Variants in FREM3 observed in about 807,000 individuals in gnomAD.
FREM3 encodes the protein FRAS1 related extracellular matrix 3, also known as FRAS1-related extracellular matrix protein 3.
In FREM3, 105 loss-of-function variants were observed where a neutral mutation model predicts 129.1. That is an observed-to-expected ratio of 0.81 (90% CI 0.69 to 0.96). The LOEUF is 0.96. Among genes scored for constraint, FREM3 ranks in the 40% least tolerant of loss-of-function variants. The pLI is 0.00. For synonymous variants in FREM3, 1,014 were observed against 1,044.9 expected (o/e 0.97, Z 0.57); for missense variants, 2,593 against 2,666.3 (o/e 0.97, Z 0.61).
chr4:143,593,343 GT>G (rs1738401693), intron 6 of FREM3, among the ~76,000 whole-genome samples: 1 of 152,168 alleles, frequency 6.6e-6, no homozygotes, highest in Non-Finnish European at 1.5e-5. Context: ...TTTCTGCTCT[GT>G]TTTTTCCCCA....
intron 2 of FREM3, among the ~76,000 whole-genome samples, chr4:143,646,336 A>C (rs182800732): frequency 2.0e-5 from 3 of 152,212 alleles, no homozygotes; most frequent in Non-Finnish European, 2.9e-5. Context: ...GTATTAGGAC[A>C]TGCTGTATTT....
In FREM3 at chr4:143,697,655, G is replaced by A. The variant is rs1283904005; in HGVS notation, c.3021C>T (p.Phe1007=). The A allele has an allele frequency of 6.5e-7, 1 of 1,537,748 alleles. No homozygotes were observed. Among genetic ancestry groups the A allele is most frequent in the African/African-American group, 1.4e-5 (1 of 73,050 alleles). ...ILVNGLPTER[F]TQEDLINGRV... ...TCCCATTGATGAGATCCTCTTGGGT[G>A]AATCGTTCTGTGGGCAAACCATTTA... Residue 1007 remains phenylalanine, a synonymous_variant, in exon 1 of 8, where the codon TTC becomes TTT. Coordinates refer to ENST00000329798, the MANE Select transcript of FREM3 (RefSeq NM_001168235.2).
Position 143,646,926 on chromosome 4 carries a change from G to A in FREM3, c.5276-19166C>T, listed in dbSNP as rs564816112. On this transcript the variant is annotated intron_variant, in intron 2 of 7. Transcript: ENST00000329798. ...TTAGAACTTCCTAGAGACTTGTAGG[G>A]CTCAGAAGAAGATAGGAAAATGTGG... 2.0e-5 allele frequency among the ~76,000 whole-genome samples: 3 copies of A among 152,280 alleles called. No individual in the cohort carries two copies. The South Asian group carries it at 6.2e-4, about 32-fold the overall frequency.
In FREM3 at chr4:143,700,236, G is replaced by T. The variant is rs961118545; in HGVS notation, c.440C>A (p.Ala147Asp). The T allele has an allele frequency of 1.3e-6, 2 of 1,536,774 alleles. No homozygotes were observed. Among genetic ancestry groups the T allele is most frequent in the African/African-American group, 2.7e-5 (2 of 73,066 alleles). Reference protein sequence around the residue: ...ARVLLQLRYDAPTHTLVLPFT... With the variant: ...ARVLLQLRYDDPTHTLVLPFT... ...GGGCAGCACCAGAGTGTGAGTCGGG[G>T]CGTCGTAGCGCAGCTGCAGCAGCAC... The change falls in exon 1 of 8, where the codon GCC becomes GAC. Residue 147 changes from alanine (A) to aspartate (D), a missense_variant. Around this residue, in one of 2 missense-constraint regions of FREM3, gnomAD observed 2,276 missense variants for 2,267.2 expected, o/e 1.00. Coordinates refer to ENST00000329798, the MANE Select transcript of FREM3 (RefSeq NM_001168235.2).
At chr4:143,647,475 G>A (rs1739439101) in intron 2 of FREM3, among the ~76,000 whole-genome samples, 1 of 152,174 alleles carries the variant, frequency 6.6e-6, no homozygotes, top group Admixed American at 6.5e-5. Flanking sequence ...CCCATCACAG[G>A]TCCAGAGGCC....
chr4:143,692,873 A>G (rs1006552660), intron 2 of FREM3, among the ~76,000 whole-genome samples: 1 of 152,214 alleles, frequency 6.6e-6, no homozygotes, highest in South Asian at 2.1e-4. Flanking sequence ...AATACTTCAC[A>G]TTTCACTCAT....
chr4:143,671,515 A>AT (rs960087030), intron 2 of FREM3, among the ~76,000 whole-genome samples: 2 of 152,020 alleles, frequency 1.3e-5, no homozygotes, highest in East Asian at 1.9e-4. Flanking sequence ...TATAAAAGCA[A>AT]TTTTTTTTCT....
In FREM3 at chr4:143,635,176, A is replaced by C. The variant is rs532588801; in HGVS notation, c.5276-7416T>G. Among the ~76,000 whole-genome samples the C allele has an allele frequency of 2.0e-5, 3 of 152,288 alleles. No individual in the cohort carries two copies. In the East Asian group the frequency reaches 5.8e-4, roughly 29 times the overall value. ...AGAACTAAACTTTGGGGACAGTTTC[A>C]TTTGGAAACCAGTGAAGAAAAAGAA... On this transcript the variant is annotated intron_variant, in intron 2 of 7. Coordinates refer to ENST00000329798, the MANE Select transcript of FREM3 (RefSeq NM_001168235.2).
At chr4:143,676,695 C>A (rs916334540) in intron 2 of FREM3, among the ~76,000 whole-genome samples, 1 of 152,158 alleles carries the variant, frequency 6.6e-6, no homozygotes, top group Non-Finnish European at 1.5e-5. Context: ...TCAGCAAAGT[C>A]TCAGGATACA....
At chr4:143,660,694 T>C (rs1427433597) in intron 2 of FREM3, among the ~76,000 whole-genome samples, 1 of 152,124 alleles carries the variant, frequency 6.6e-6, no homozygotes, top group Non-Finnish European at 1.5e-5. Flanking sequence ...ATTTTCACGA[T>C]ATTGATTCTT....
At chr4:143,617,144 G>A (rs1312380181) in intron 5 of FREM3, among the ~76,000 whole-genome samples, 3 of 149,726 alleles carry the variant, frequency 2.0e-5, no homozygotes, top group African/African-American at 7.7e-5. Flanking sequence ...ATAATGCCGA[G>A]AAATGTCTAA....
intron 2 of FREM3, among the ~76,000 whole-genome samples, chr4:143,642,389 A>G (rs1428945050): frequency 6.6e-6 from 1 of 152,198 alleles, no homozygotes; most frequent in Non-Finnish European, 1.5e-5. Context: ...CTCAAAATAC[A>G]CTACAAAGAA....
At chr4:143,621,308 ATTAT>A in intron 4 of FREM3, 146 bp from the exon 5 acceptor site, 1 of 797,906 alleles carries the variant, frequency 1.3e-6, no homozygotes, top group Admixed American at 2.9e-5. Flanking sequence ...AATGGGAAGC[ATTAT>A]TTATTATTGA....
rs969071624 is a variant in FREM3 at position 143,672,352 on chromosome 4, T to A, written c.5275+20761A>T. On this transcript the variant is annotated intron_variant, in intron 2 of 7. Transcript: ENST00000329798. ...GTTTGGTTGTTTCTTTGCTCATACT[T>A]TTTTACTTCTAAGGATTAAAAGCTA... Among the ~76,000 whole-genome samples the A allele has an allele frequency of 5.9e-5, 9 of 152,184 alleles. No individual in the cohort carries two copies. In the East Asian group the frequency reaches 1.7e-3, roughly 29 times the overall value.
intron 6 of FREM3, among the ~76,000 whole-genome samples, chr4:143,597,591 T>A (rs1738505920): frequency 6.6e-6 from 1 of 152,176 alleles, no homozygotes; most frequent in African/African-American, 2.4e-5. Flanking sequence ...CAAATCAACA[T>A]ACAAAAATCA....
intron 2 of FREM3, among the ~76,000 whole-genome samples, chr4:143,652,896 T>A (rs969892012): frequency 8.5e-5 from 13 of 152,238 alleles, no homozygotes; most frequent in Non-Finnish European, 1.5e-5. Context: ...CCCTAAGTGC[T>A]AGGATTATAG....
intron 2 of FREM3, among the ~76,000 whole-genome samples, chr4:143,667,917 C>CA (rs1233942311): frequency 6.6e-6 from 1 of 152,150 alleles, no homozygotes; most frequent in East Asian, 1.9e-4. Flanking sequence ...CATTCTGTTT[C>CA]AGAGAATTTG....
chr4:143,679,262 C>T (rs927323765), intron 2 of FREM3, among the ~76,000 whole-genome samples: 2 of 152,242 alleles, frequency 1.3e-5, no homozygotes, highest in Non-Finnish European at 2.9e-5. Flanking sequence ...AAGAAGGTTA[C>T]GAGTGTGCCC....
intron 1 of FREM3, among the ~76,000 whole-genome samples, chr4:143,694,944 A>G (rs562074355): frequency 6.6e-6 from 1 of 152,372 alleles, no homozygotes; most frequent in East Asian, 1.9e-4. Flanking sequence ...ACCTGCCTCT[A>G]GCTCATGATT....
Sources: allele counts gnomAD v4.1 joint callset (sites outside exome capture counted in the v4.1 genomes callset), GRCh38; gene constraint gnomAD v4.1.1; regional missense constraint gnomAD v4.1.1; transcripts MANE v1.5; gene names NCBI Gene and HGNC (gene_info 2026-07-23, HGNC 2026-07-21).